The following MYO5B variants were observed in gnomAD, a reference collection of about 807,000 sequenced individuals.
The protein encoded by MYO5B is unconventional myosin-Vb.
MYO5B carries 143 observed loss-of-function variants against 229.3 expected under a neutral mutation model. The ratio of observed to expected loss-of-function variants is 0.62; its 90% CI spans 0.54 to 0.72. MYO5B has a LOEUF of 0.72. MYO5B is among the 30% of genes least tolerant of loss of function. MYO5B has a pLI of 0.00. For missense variants in MYO5B, 2,321 were observed against 2,331.0 expected (o/e 1.00, Z 0.09); for synonymous variants, 918 against 885.2 (o/e 1.04, Z -0.66).
chr18:50,054,603 A>C (rs1332853424), intron 2 of MYO5B, among the ~76,000 whole-genome samples: 2 of 152,218 alleles, frequency 1.3e-5, no homozygotes, highest in African/African-American at 4.8e-5. Flanking sequence ...ATGAGAAGGT[A>C]AACTAAATCA....
Position 49,976,647 on chromosome 18 carries a change from C to T in MYO5B, c.1057-2032G>A, listed in dbSNP as rs145390263. ...TTCAGATGAAGCTGAGTGAGGCCTC[C>T]TGCCTTCTGGCCCAGAGCTCCTAAC... is the stretch of plus-strand genomic sequence containing the variant. On this transcript the variant is annotated intron_variant, in intron 9 of 39. Coordinates refer to ENST00000285039, the MANE Select transcript of MYO5B (RefSeq NM_001080467.3). 2.7e-3 allele frequency among the ~76,000 whole-genome samples: 404 copies of T among 152,328 alleles called. 6 individuals carry two copies. Among genetic ancestry groups the T allele is most frequent in the African/African-American group, 9.0e-3 (374 of 41,574 alleles).
intron 1 of MYO5B, among the ~76,000 whole-genome samples, chr18:50,071,602 A>T (rs908797076): frequency 1.9e-4 from 29 of 152,238 alleles, no homozygotes; most frequent in African/African-American, 7.0e-4. Flanking sequence ...GGCACAAGGA[A>T]GAGCAGCTCT....
chr18:50,086,315 T>C (rs534213459), intron 1 of MYO5B, among the ~76,000 whole-genome samples: 1 of 152,350 alleles, frequency 6.6e-6, no homozygotes, highest in Non-Finnish European at 1.5e-5. Context: ...TCTATGTCTG[T>C]GTACCATGAC....
intron 1 of MYO5B, among the ~76,000 whole-genome samples, chr18:50,111,685 T>A (rs1040185624): frequency 6.6e-6 from 1 of 152,246 alleles, no homozygotes; most frequent in African/African-American, 2.4e-5. Context: ...CAGTAGTTAT[T>A]AAGGTCCTTA....
chr18:50,091,072 T>C (rs2031437350), intron 1 of MYO5B, among the ~76,000 whole-genome samples: 1 of 148,624 alleles, frequency 6.7e-6, no homozygotes, highest in South Asian at 2.2e-4. Flanking sequence ...CATGAGAGAA[T>C]TCCCCCAGTT....
chr18:49,842,535 A>G (rs1167266031), intron 34 of MYO5B, among the ~76,000 whole-genome samples: 2 of 152,232 alleles, frequency 1.3e-5, no homozygotes, highest in African/African-American at 2.4e-5. Context: ...TACTCGGGGC[A>G]CAGGCCTGCT....
chr18:50,081,754 T>C (rs2031226866), intron 1 of MYO5B, among the ~76,000 whole-genome samples: 1 of 150,854 alleles, frequency 6.6e-6, no homozygotes, highest in African/African-American at 2.4e-5. Flanking sequence ...CAACCTTTTC[T>C]ATTCCACCCC....
chr18:49,917,073 A>G (rs1162377188), intron 17 of MYO5B, among the ~76,000 whole-genome samples: 2 of 152,102 alleles, frequency 1.3e-5, no homozygotes, highest in Non-Finnish European at 2.9e-5. Context: ...CCATGACGGA[A>G]TCTCCCCCTC....
At chr18:50,158,688 C>A (rs1469300174) in intron 1 of MYO5B, among the ~76,000 whole-genome samples, 1 of 152,136 alleles carries the variant, frequency 6.6e-6, no homozygotes, top group East Asian at 1.9e-4. Context: ...CATATTTTTT[C>A]CAAAGTCAGA....
At chr18:49,992,212 G>T in intron 6 of MYO5B, 76 bp downstream of exon 6, 2 of 1,585,062 alleles carry the variant, frequency 1.3e-6, no homozygotes, top group South Asian at 1.1e-5. Flanking sequence ...TTTGGGTCCA[G>T]GGAGTGGGGC....
chr18:50,059,581 G>A (rs1006645340), intron 1 of MYO5B, among the ~76,000 whole-genome samples: 3 of 152,330 alleles, frequency 2.0e-5, no homozygotes, highest in Admixed American at 2.0e-4. Flanking sequence ...TATGTGTCCA[G>A]TCAATCTCCA....
chr18:50,144,756 G>C (rs995966933), intron 1 of MYO5B, among the ~76,000 whole-genome samples: 1 of 152,164 alleles, frequency 6.6e-6, no homozygotes, highest in Non-Finnish European at 1.5e-5. Context: ...TATGGATTAT[G>C]AATGTGAAAG....
chr18:49,952,568 G>A, intron 14 of MYO5B, among the ~76,000 whole-genome samples: 1 of 152,192 alleles, frequency 6.6e-6, no homozygotes, highest in East Asian at 1.9e-4. Flanking sequence ...TCATCTTTGT[G>A]TGAAAATGGT....
At chr18:49,945,353 C>T (rs2144229228) in intron 14 of MYO5B, among the ~76,000 whole-genome samples, 1 of 152,314 alleles carries the variant, frequency 6.6e-6, no homozygotes, top group South Asian at 2.1e-4. Flanking sequence ...ACCACCTTCA[C>T]CCACTGACTT....
At chr18:50,133,221 C>G (rs1447213737) in intron 1 of MYO5B, among the ~76,000 whole-genome samples, 1 of 151,870 alleles carries the variant, frequency 6.6e-6, no homozygotes, top group Non-Finnish European at 1.5e-5. Flanking sequence ...AAAAGAGATT[C>G]AAGCCATACA....
At chr18:49,918,230 C>T (rs1481597164) in intron 17 of MYO5B, among the ~76,000 whole-genome samples, 1 of 152,198 alleles carries the variant, frequency 6.6e-6, no homozygotes, top group African/African-American at 2.4e-5. Context: ...CCCAATGGAC[C>T]AATATGGACA....
At chr18:50,008,055 T>C (rs1468267426) in intron 4 of MYO5B, among the ~76,000 whole-genome samples, 1 of 152,194 alleles carries the variant, frequency 6.6e-6, no homozygotes, top group Non-Finnish European at 1.5e-5. Context: ...ATTATCATTA[T>C]ACTCCTGTAT....
chr18:49,983,243 C>T (rs938606706), intron 8 of MYO5B, among the ~76,000 whole-genome samples: 2 of 152,170 alleles, frequency 1.3e-5, no homozygotes, highest in African/African-American at 2.4e-5. Context: ...GGTATTCCGG[C>T]GATTTGCAAG....
At chr18:50,065,359 G>A (rs1220463750) in intron 1 of MYO5B, among the ~76,000 whole-genome samples, 1 of 152,150 alleles carries the variant, frequency 6.6e-6, no homozygotes, top group Non-Finnish European at 1.5e-5. Flanking sequence ...CCAGAGCCTG[G>A]GTAACTTATA....
Sources: allele counts gnomAD v4.1 joint callset (sites outside exome capture counted in the v4.1 genomes callset), GRCh38; gene constraint gnomAD v4.1.1; transcripts MANE v1.5; gene names NCBI Gene and HGNC (gene_info 2026-07-23, HGNC 2026-07-21).